The following PCDHA2 variants were observed in gnomAD, a reference collection of about 807,000 sequenced individuals.
PCDHA2 encodes the protein protocadherin alpha 2.
In PCDHA2, 58 loss-of-function variants were observed where a neutral mutation model predicts 66.0. The ratio of observed to expected loss-of-function variants is 0.88; its 90% CI spans 0.71 to 1.09. The LOEUF is 1.09. Among genes scored for constraint, PCDHA2 ranks in the 50% least tolerant of loss-of-function variants. The probability of loss-of-function intolerance (pLI) is 0.00; values close to 1 mark genes in which losing one functional copy is unlikely to be tolerated. For synonymous variants in PCDHA2, 634 were observed against 554.0 expected (o/e 1.14, Z -2.03); for missense variants, 1,267 against 1,242.3 (o/e 1.02, Z -0.30).
At chr5:140,824,998 G>C (rs2150137892) in intron 1 of PCDHA2, 3 of 151,664 alleles carry the variant, frequency 2.0e-5, no homozygotes, top group Admixed American at 1.3e-4. Context: ...ACATATACAT[G>C]GTTTACTGTT....
chr5:140,842,525 A>G, intron 1 of PCDHA2: 1 of 1,613,292 alleles, frequency 6.2e-7, no homozygotes, highest in Non-Finnish European at 8.5e-7. Flanking sequence ...GTCCACCTTC[A>G]AGAATTACTA....
intron 1 of PCDHA2, chr5:140,883,399 T>C (rs143292342): frequency 3.1e-5 from 50 of 1,614,100 alleles, no homozygotes; most frequent in Non-Finnish European, 4.1e-5. Flanking sequence ...TGTCCGATCG[T>C]GACTCTGGCT....
intron 1 of PCDHA2, chr5:140,805,717 G>A (rs1468576593): frequency 3.7e-6 from 2 of 544,456 alleles, no homozygotes; most frequent in Non-Finnish European, 4.7e-6. Flanking sequence ...TAAAAATTAA[G>A]CTAAAACCCA....
intron 1 of PCDHA2, among the ~76,000 whole-genome samples, chr5:140,940,027 G>A (rs1554213088): frequency 6.6e-6 from 1 of 152,058 alleles, no homozygotes; most frequent in Non-Finnish European, 1.5e-5. Context: ...TATGTTTTAA[G>A]GCTATTTTAT....
intron 1 of PCDHA2, chr5:140,851,797 G>A (rs1349130494): frequency 3.1e-6 from 3 of 953,270 alleles, no homozygotes; most frequent in Non-Finnish European, 2.5e-6. Flanking sequence ...CACTTGTTCT[G>A]TCAGTAATCC....
At chr5:140,941,255 C>CTTTCTCTT (rs782490896) in intron 1 of PCDHA2, among the ~76,000 whole-genome samples, 24 of 44,510 alleles carry the variant, frequency 5.4e-4, no homozygotes, top group African/African-American at 1.5e-3. Flanking sequence ...TTCTTTCTTT[C>CTTTCTCTT]TCTTTCTTTC....
At chr5:140,870,543 C>T (rs1554164396) in intron 1 of PCDHA2, 6 of 1,614,114 alleles carry the variant, frequency 3.7e-6, no homozygotes, top group South Asian at 1.1e-5. Context: ...CGGCGCGGGA[C>T]GCGGACGCGC....
chr5:140,816,976 A>G (rs1231523214), intron 1 of PCDHA2: 3 of 152,104 alleles, frequency 2.0e-5, no homozygotes, highest in Non-Finnish European at 4.4e-5. Context: ...CTGCCCACTA[A>G]AATTCAGGAA....
intron 1 of PCDHA2, chr5:140,863,957 G>A (rs2048253350): frequency 6.4e-6 from 1 of 157,074 alleles, no homozygotes; most frequent in Non-Finnish European, 1.4e-5. Flanking sequence ...GCCTAGATTA[G>A]GCCACTGCAC....
intron 1 of PCDHA2, among the ~76,000 whole-genome samples, chr5:140,945,222 A>T (rs1019202574): frequency 4.6e-5 from 7 of 152,260 alleles, no homozygotes; most frequent in Middle Eastern, 6.8e-3. Context: ...AAATAAAAAT[A>T]CTTAGGAATA....
At chr5:140,844,873 C>T (rs2150374535) in intron 1 of PCDHA2, among the ~76,000 whole-genome samples, 1 of 149,368 alleles carries the variant, frequency 6.7e-6, no homozygotes, top group African/African-American at 2.4e-5. Flanking sequence ...ATTAAATACC[C>T]ATTAGACTTC....
At chr5:140,815,206 C>G (rs141510646) in intron 1 of PCDHA2, 9 of 152,052 alleles carry the variant, frequency 5.9e-5, no homozygotes, top group African/African-American at 1.7e-4. Flanking sequence ...ATTGATAGGG[C>G]ATAACTTACT....
At chr5:140,927,146 A>T (rs2083897470) in intron 1 of PCDHA2, 1 of 1,614,156 alleles carries the variant, frequency 6.2e-7, no homozygotes, top group East Asian at 2.2e-5. Context: ...GACCGCGAAC[A>T]GCTGTGCAGG....
chr5:140,858,188 C>T, intron 1 of PCDHA2: 1 of 1,597,268 alleles, frequency 6.3e-7, no homozygotes, highest in Non-Finnish European at 8.6e-7. Context: ...GCTCACGCTG[C>T]TGCTGTACAC....
At chr5:140,931,951 G>A (rs1366094994) in intron 1 of PCDHA2, among the ~76,000 whole-genome samples, 1 of 151,826 alleles carries the variant, frequency 6.6e-6, no homozygotes, top group Non-Finnish European at 1.5e-5. Flanking sequence ...GAGTCTTACA[G>A]AATCATGTTG....
At chr5:140,977,023 G>T (rs1554238168) in intron 1 of PCDHA2, among the ~76,000 whole-genome samples, 1 of 152,148 alleles carries the variant, frequency 6.6e-6, no homozygotes, top group Non-Finnish European at 1.5e-5. Flanking sequence ...TCTGTCAAAT[G>T]AATCTAAGAA....
intron 1 of PCDHA2, chr5:140,834,206 C>G: frequency 1.6e-6 from 1 of 620,932 alleles, no homozygotes; most frequent in African/African-American, 1.8e-5. Flanking sequence ...ACCGCAAATT[C>G]TTTCGTAATC....
intron 1 of PCDHA2, chr5:140,842,676 C>T (rs2150341725): frequency 6.3e-7 from 1 of 1,595,430 alleles, no homozygotes. Context: ...AACGACAATG[C>T]TCCGGCGTTC....
intron 1 of PCDHA2, chr5:140,807,152 CG>C: frequency 6.3e-7 from 1 of 1,579,498 alleles, no homozygotes; most frequent in Non-Finnish European, 8.6e-7. Flanking sequence ...CTTTGAGAAA[CG>C]ATATTTAATC....
Sources: allele counts gnomAD v4.1 joint callset (sites outside exome capture counted in the v4.1 genomes callset), GRCh38; gene constraint gnomAD v4.1.1; transcripts MANE v1.5; gene names NCBI Gene and HGNC (gene_info 2026-07-23, HGNC 2026-07-21).